The following LYPLAL1 variants were observed in gnomAD, a reference collection of about 807,000 sequenced individuals.
LYPLAL1 encodes the protein lysophospholipase like 1, also known as lysophospholipase-like protein 1.
Under a neutral mutation model 19.7 loss-of-function variants are expected in LYPLAL1, and 23 were observed. That is an observed-to-expected ratio of 1.17 (90% CI 0.84 to 1.65). The LOEUF (loss-of-function observed/expected upper bound fraction) is 1.65, where lower values mean the gene tolerates loss of function less well. Among genes scored for constraint, LYPLAL1 ranks in the 40% most tolerant of loss-of-function variants. LYPLAL1 has a pLI of 0.00. For synonymous variants in LYPLAL1, 119 were observed against 96.3 expected (o/e 1.24, Z -1.38); for missense variants, 355 against 279.4 (o/e 1.27, Z -1.93).
At chr1:219,210,950 G>A (rs1254236802) in intron 4 of LYPLAL1, among the ~76,000 whole-genome samples, 1 of 152,120 alleles carries the variant, frequency 6.6e-6, no homozygotes, top group Non-Finnish European at 1.5e-5. Flanking sequence ...AAAACTGCAT[G>A]ATGGTTATAG....
At chr1:219,261,334 G>A in the LYPLAL1 span, among the ~76,000 whole-genome samples, 2 of 152,148 alleles carry the variant, frequency 1.3e-5, no homozygotes, top group African/African-American at 4.8e-5. Context: ...GTCTGCTCAA[G>A]ATTCGTTATC....
the LYPLAL1 span, among the ~76,000 whole-genome samples, chr1:219,334,957 G>T: frequency 1.3e-5 from 2 of 151,786 alleles, no homozygotes; most frequent in African/African-American, 4.8e-5. Context: ...TTTTTACCAT[G>T]CTTGTTTGTG....
At chr1:219,180,456 T>C (rs977251318) in intron 2 of LYPLAL1, among the ~76,000 whole-genome samples, 18 of 152,068 alleles carry the variant, frequency 1.2e-4, no homozygotes, top group African/African-American at 4.3e-4. Context: ...AACAAAATGA[T>C]AATGTAAGAC....
the LYPLAL1 span, among the ~76,000 whole-genome samples, chr1:219,373,372 A>G: frequency 2.0e-5 from 3 of 152,202 alleles, no homozygotes; most frequent in African/African-American, 7.2e-5. Flanking sequence ...TTCACATCAT[A>G]ATGGGATTTC....
the LYPLAL1 span, among the ~76,000 whole-genome samples, chr1:219,324,641 C>G: frequency 6.6e-6 from 1 of 152,148 alleles, no homozygotes; most frequent in African/African-American, 2.4e-5. Flanking sequence ...CCTCTTGCTT[C>G]AAAAACTGGT....
chr1:219,190,971 A>G (rs988251023), intron 2 of LYPLAL1, among the ~76,000 whole-genome samples: 1 of 151,620 alleles, frequency 6.6e-6, no homozygotes, highest in African/African-American at 2.4e-5. Context: ...TGGTGGTTGC[A>G]TTGTAAAAAG....
the LYPLAL1 span, among the ~76,000 whole-genome samples, chr1:219,240,081 A>G: frequency 6.6e-6 from 1 of 152,184 alleles, no homozygotes; most frequent in South Asian, 2.1e-4. Context: ...TATAAAGTTG[A>G]TTTCATAGCA....
chr1:219,405,148 C>A, the LYPLAL1 span, among the ~76,000 whole-genome samples: 1 of 152,174 alleles, frequency 6.6e-6, no homozygotes, highest in African/African-American at 2.4e-5. Context: ...TGTCATTGTA[C>A]ACATTTTCAT....
chr1:219,250,443 CA>C, the LYPLAL1 span, among the ~76,000 whole-genome samples: 1 of 151,810 alleles, frequency 6.6e-6, no homozygotes, highest in East Asian at 1.9e-4. Context: ...TAAGTCTTGG[CA>C]TTGTATTTCA....
intron 3 of LYPLAL1, among the ~76,000 whole-genome samples, chr1:219,207,729 C>T (rs1297643552): frequency 9.9e-5 from 15 of 151,958 alleles, no homozygotes; most frequent in Non-Finnish European, 2.2e-4. Flanking sequence ...GAATCAGCAA[C>T]AGAAGTGGCA....
At chr1:219,347,239 T>C in the LYPLAL1 span, among the ~76,000 whole-genome samples, 1 of 152,224 alleles carries the variant, frequency 6.6e-6, no homozygotes. Flanking sequence ...GGGTTTTGAT[T>C]AATTCACTTT....
chr1:219,230,273 C>T, the LYPLAL1 span, among the ~76,000 whole-genome samples: 3 of 152,110 alleles, frequency 2.0e-5, no homozygotes, highest in Non-Finnish European at 4.4e-5. Flanking sequence ...CTACCACGCC[C>T]GGCTAATTTG....
the LYPLAL1 span, among the ~76,000 whole-genome samples, chr1:219,371,884 T>C: frequency 6.6e-6 from 1 of 152,228 alleles, no homozygotes; most frequent in African/African-American, 2.4e-5. Flanking sequence ...TAAATTTAAT[T>C]TGTCTAAGGT....
At chr1:219,322,086 G>A in the LYPLAL1 span, among the ~76,000 whole-genome samples, 4 of 152,112 alleles carry the variant, frequency 2.6e-5, no homozygotes, top group Non-Finnish European at 4.4e-5. Context: ...TGTGAAGAAG[G>A]CATTTCCCTA....
chr1:219,423,484 T>A, the LYPLAL1 span, among the ~76,000 whole-genome samples: 1 of 152,180 alleles, frequency 6.6e-6, no homozygotes, highest in Non-Finnish European at 1.5e-5. Flanking sequence ...CATAAATGAA[T>A]TTTTGAGTGA....
chr1:219,294,308 G>A, the LYPLAL1 span, among the ~76,000 whole-genome samples: 3 of 152,092 alleles, frequency 2.0e-5, no homozygotes, highest in East Asian at 1.9e-4. Flanking sequence ...GGATCCTTGT[G>A]GATGTTTAAC....
chr1:219,189,888 A>C (rs1276605765), intron 2 of LYPLAL1, among the ~76,000 whole-genome samples: 1 of 151,686 alleles, frequency 6.6e-6, no homozygotes, highest in African/African-American at 2.4e-5. Flanking sequence ...AATCAAGAAC[A>C]ATAGATGCCT....
At chr1:219,383,642 A>T in the LYPLAL1 span, among the ~76,000 whole-genome samples, 1 of 152,232 alleles carries the variant, frequency 6.6e-6, no homozygotes, top group Non-Finnish European at 1.5e-5. Flanking sequence ...AACAAATACA[A>T]GAACCCATGC....
chr1:219,198,233 A>G (rs905084917), intron 3 of LYPLAL1, among the ~76,000 whole-genome samples: 2 of 152,144 alleles, frequency 1.3e-5, no homozygotes, highest in African/African-American at 2.4e-5. Flanking sequence ...GTATTTCAGC[A>G]TTCATTGTAG....
Sources: gnomAD v4.1 joint callset for allele counts (sites outside exome capture counted in the v4.1 genomes callset) on GRCh38, gnomAD v4.1.1 for gene constraint, MANE v1.5 for transcripts, NCBI Gene and HGNC (gene_info 2026-07-23, HGNC 2026-07-21) for gene names.